The following OR56A3 variants were observed in gnomAD, a reference collection of about 807,000 sequenced individuals.
OR56A3 encodes the protein olfactory receptor family 56 subfamily A member 3, also known as olfactory receptor 56A3.
In OR56A3, 23 loss-of-function variants were observed where a neutral mutation model predicts 17.5. That is an observed-to-expected ratio of 1.32 (90% CI 0.95 to 1.87). OR56A3 has a LOEUF of 1.87. OR56A3 is among the 40% of genes most tolerant of loss of function. OR56A3 has a pLI of 0.00. For synonymous variants in OR56A3, 175 were observed against 150.6 expected, an observed-to-expected ratio of 1.16 and a Z score of -1.19; for missense variants, 366 against 380.1, an observed-to-expected ratio of 0.96 and a Z score of 0.31.
the OR56A3 span, chr11:5,968,519 T>C: frequency 6.7e-7 from 1 of 1,489,750 alleles, no homozygotes; most frequent in Non-Finnish European, 9.2e-7. Flanking sequence ...GCTGAGAAAA[T>C]TTCACCTGAA....
the OR56A3 span, chr11:5,967,523 T>C: frequency 1.4e-6 from 2 of 1,432,250 alleles, no homozygotes; most frequent in East Asian, 4.7e-5. Flanking sequence ...AATTTCTGTT[T>C]TCAAGGTCAG....
the OR56A3 span, among the ~76,000 whole-genome samples, chr11:5,978,565 T>A: frequency 6.6e-6 from 1 of 152,180 alleles, no homozygotes; most frequent in East Asian, 1.9e-4. Flanking sequence ...ATTGATTTTG[T>A]GTCCTGAAAT....
At chr11:5,969,659 C>A in the OR56A3 span, among the ~76,000 whole-genome samples, 1 of 152,194 alleles carries the variant, frequency 6.6e-6, no homozygotes, top group South Asian at 2.1e-4. Flanking sequence ...TCTCTCATAT[C>A]TTAATTATTT....
At chr11:5,966,377 A>C in the OR56A3 span, among the ~76,000 whole-genome samples, 820 of 152,230 alleles carry the variant, frequency 5.4e-3, 6 homozygotes, top group Admixed American at 8.6e-3. Flanking sequence ...CTGTCTCCCT[A>C]TCTCAAAAAA....
the OR56A3 span, among the ~76,000 whole-genome samples, chr11:6,014,553 G>C: frequency 9.2e-5 from 14 of 152,152 alleles, no homozygotes; most frequent in African/African-American, 3.1e-4. Flanking sequence ...TATGCTTCCT[G>C]TACAGCCTGT....
the OR56A3 span, among the ~76,000 whole-genome samples, chr11:5,996,258 C>A: frequency 6.6e-6 from 1 of 151,958 alleles, no homozygotes; most frequent in Non-Finnish European, 1.5e-5. Context: ...ATTACATGTA[C>A]CAAATATTTT....
chr11:5,977,278 A>G, the OR56A3 span, among the ~76,000 whole-genome samples: 1 of 152,334 alleles, frequency 6.6e-6, no homozygotes, highest in African/African-American at 2.4e-5. Flanking sequence ...ATGTTCTTTG[A>G]GAAATCTCCA....
the OR56A3 span, among the ~76,000 whole-genome samples, chr11:5,956,689 C>T: frequency 6.6e-6 from 1 of 152,186 alleles, no homozygotes; most frequent in Admixed American, 6.5e-5. Flanking sequence ...CACAAAATTT[C>T]ACAATCACAG....
At chr11:5,967,618 TG>T in the OR56A3 span, 1 of 1,613,846 alleles carries the variant, frequency 6.2e-7, no homozygotes, top group Non-Finnish European at 8.5e-7. Context: ...CCATAAACAA[TG>T]GGGTTCAGAG....
chr11:5,948,263 G>T lies in OR56A3; in HGVS notation c.917G>T (p.Gly306Val), dbSNP rs757348704. ...GTGAGAACCCAAGAAATTAAGCAGG[G>T]AATGCAGAGGTTGTTGAAGAAAGGG... is the stretch of plus-strand genomic sequence containing the variant. ...YGVRTQEIKQ[G>V]MQRLLKKGC The change falls in exon 3 of 3, where the codon GGA (glycine) becomes GTA (valine). Residue 306 changes from glycine to valine, a missense_variant. Physicochemically the swap from Gly to Val is moderately radical, Grantham distance 109. Transcript: ENST00000641160. The T allele has an allele frequency of 2.6e-5, 42 of 1,613,810 alleles. No individual in the cohort carries two copies. Among genetic ancestry groups the T allele is most frequent in the Non-Finnish European group, 3.1e-5 (36 of 1,179,836 alleles).
the OR56A3 span, chr11:6,021,389 G>A: frequency 6.6e-6 from 1 of 152,060 alleles, no homozygotes; most frequent in Admixed American, 6.6e-5. Flanking sequence ...ATAGCTAGAA[G>A]AAAGAATATT....
At chr11:5,956,489 T>C in the OR56A3 span, among the ~76,000 whole-genome samples, 1 of 152,052 alleles carries the variant, frequency 6.6e-6, no homozygotes, top group African/African-American at 2.4e-5. Context: ...ATCTAGGGAG[T>C]GCATTCTGTT....
At chr11:5,967,535 T>G in the OR56A3 span, 1 of 1,496,734 alleles carries the variant, frequency 6.7e-7, no homozygotes, top group African/African-American at 1.4e-5. Context: ...CAAGGTCAGG[T>G]TGCATTCATT....
chr11:5,996,756 A>G, the OR56A3 span, among the ~76,000 whole-genome samples: 1 of 152,204 alleles, frequency 6.6e-6, no homozygotes, highest in Non-Finnish European at 1.5e-5. Context: ...AAATAAGTCT[A>G]TTTCTCTAGA....
chr11:5,996,653 G>A, the OR56A3 span, among the ~76,000 whole-genome samples: 19 of 152,110 alleles, frequency 1.2e-4, no homozygotes, highest in African/African-American at 3.1e-4. Flanking sequence ...AAAGGATGAC[G>A]AAAGGTAGAA....
chr11:5,943,860 T>C (rs2134359958), intron 1 of OR56A3, among the ~76,000 whole-genome samples: 1 of 152,314 alleles, frequency 6.6e-6, no homozygotes, highest in East Asian at 1.9e-4. Context: ...AAGAAAGTAA[T>C]GCAGAAGATA....
At chr11:5,980,997 C>T in the OR56A3 span, among the ~76,000 whole-genome samples, 4 of 152,152 alleles carry the variant, frequency 2.6e-5, no homozygotes, top group Admixed American at 6.5e-5. Flanking sequence ...TCCCTCATCT[C>T]TTTTAGTTTG....
At chr11:5,943,391 G>A (rs1847850479) in intron 1 of OR56A3, 1 of 151,786 alleles carries the variant, frequency 6.6e-6, no homozygotes, top group Admixed American at 6.6e-5. Flanking sequence ...ACCCTGCAAA[G>A]GTCATTTCAA....
the OR56A3 span, chr11:5,967,728 G>A: frequency 2.3e-5 from 37 of 1,611,820 alleles, no homozygotes; most frequent in East Asian, 7.4e-4. Context: ...CAGCAGGACT[G>A]TGGTGAAGAA....
Sources: allele counts gnomAD v4.1 joint callset (sites outside exome capture counted in the v4.1 genomes callset), GRCh38; gene constraint gnomAD v4.1.1; transcripts MANE v1.5; gene names NCBI Gene and HGNC (gene_info 2026-07-23, HGNC 2026-07-21).